NBAS: variants seen among roughly 807,000 people sequenced by gnomAD.
The protein encoded by NBAS is NBAS subunit of NRZ tethering complex, also known as NAG/BC035112 fusion.
NBAS carries 219 observed loss-of-function variants against 302.5 expected under a neutral mutation model. That is an observed-to-expected ratio of 0.72 (90% CI 0.65 to 0.81). The LOEUF (loss-of-function observed/expected upper bound fraction) is 0.81, where lower values mean the gene tolerates loss of function less well. Ranked by LOEUF, NBAS falls within the 30% of genes least tolerant of loss-of-function variation. The probability of loss-of-function intolerance (pLI) is 0.00; values close to 1 mark genes in which losing one functional copy is unlikely to be tolerated. For synonymous variants in NBAS, 1,118 were observed against 1,021.6 expected, an observed-to-expected ratio of 1.09 and a Z score of -1.80; for missense variants, 2,932 against 2,841.6, an observed-to-expected ratio of 1.03 and a Z score of -0.72.
chr2:15,082,985 T>TC, the NBAS span, among the ~76,000 whole-genome samples: 5 of 152,234 alleles, frequency 3.3e-5, no homozygotes, highest in South Asian at 2.1e-4. Context: ...AATGGGCAAT[T>TC]CCCCCCCACC....
At position 15,467,395 on chromosome 2, in the gene NBAS, T is replaced by C. The variant is rs753178086; in HGVS notation, c.2031A>G (p.Glu677=). Residue 677 remains glutamate (E), a synonymous_variant, in exon 19 of 52, where the codon GAA becomes GAG. Transcript: ENST00000281513. ...KLVNFSKLTL[E]QKELCRCRRK... is the part of the protein sequence containing the mutation. ...GTCTACAACGGCAAAGTTCCTTTTG[T>C]TCCAGTGTCAACCTGTTTTGAATAA... is the stretch of plus-strand genomic sequence containing the variant. The C allele has an allele frequency of 5.0e-6, 8 of 1,613,048 alleles. No homozygotes were observed. In the South Asian group the frequency reaches 5.5e-5, roughly 11 times the overall value.
the NBAS span, among the ~76,000 whole-genome samples, chr2:14,787,828 T>C: frequency 2.0e-5 from 3 of 152,164 alleles, no homozygotes; most frequent in African/African-American, 7.2e-5. Flanking sequence ...AGGAGTATCT[T>C]TGTGGCATTC....
At chr2:14,994,954 T>C in the NBAS span, among the ~76,000 whole-genome samples, 1 of 152,196 alleles carries the variant, frequency 6.6e-6, no homozygotes, top group African/African-American at 2.4e-5. Flanking sequence ...GGCTGGACTG[T>C]TGTGCATGAA....
chr2:15,184,640 T>C (rs1439208282), intron 50 of NBAS, among the ~76,000 whole-genome samples: 6 of 152,144 alleles, frequency 3.9e-5, no homozygotes. Context: ...TAAATACAGA[T>C]GAAGCTTCAC....
intron 6 of NBAS, among the ~76,000 whole-genome samples, chr2:15,549,742 A>G (rs6741780): frequency 0.027 from 4,148 of 152,158 alleles, 208 homozygotes; most frequent in African/African-American, 0.095. Context: ...AAATAAATAA[A>G]TAAATAAAAT....
the NBAS span, among the ~76,000 whole-genome samples, chr2:15,123,522 C>T: frequency 1.8e-4 from 28 of 152,196 alleles, no homozygotes; most frequent in East Asian, 3.5e-3. Context: ...GTGGGCCCTA[C>T]GGGGAGGTGT....
At chr2:14,868,901 C>A in the NBAS span, among the ~76,000 whole-genome samples, 1 of 152,118 alleles carries the variant, frequency 6.6e-6, no homozygotes, top group Non-Finnish European at 1.5e-5. Context: ...CCAGACTGAG[C>A]CCAACAGAAT....
chr2:14,930,727 G>T, the NBAS span, among the ~76,000 whole-genome samples: 2 of 152,270 alleles, frequency 1.3e-5, no homozygotes, highest in South Asian at 4.1e-4. Flanking sequence ...TTTGACATTG[G>T]ACACTACTTA....
intron 50 of NBAS, among the ~76,000 whole-genome samples, chr2:15,182,666 T>C (rs962671839): frequency 6.6e-6 from 1 of 152,212 alleles, no homozygotes. Context: ...AAACTGTTTA[T>C]GCCAATTTCT....
chr2:14,796,672 A>T, the NBAS span, among the ~76,000 whole-genome samples: 1 of 152,192 alleles, frequency 6.6e-6, no homozygotes, highest in East Asian at 1.9e-4. Flanking sequence ...AGCCAAAAAC[A>T]GCCTGAAGCC....
intron 24 of NBAS, among the ~76,000 whole-genome samples, chr2:15,416,699 G>A (rs957342063): frequency 3.3e-5 from 5 of 151,676 alleles, no homozygotes; most frequent in Non-Finnish European, 7.4e-5. Context: ...CCAGCTACTC[G>A]GGAGGCTGAG....
At chr2:15,454,492 T>G (rs1408610472) in intron 21 of NBAS, among the ~76,000 whole-genome samples, 1 of 152,214 alleles carries the variant, frequency 6.6e-6, no homozygotes, top group Non-Finnish European at 1.5e-5. Context: ...AAATGCAAAT[T>G]TATTCCAATG....
At chr2:14,902,981 G>A in the NBAS span, among the ~76,000 whole-genome samples, 1 of 151,884 alleles carries the variant, frequency 6.6e-6, no homozygotes, top group South Asian at 2.1e-4. Flanking sequence ...TAAAAGAAGA[G>A]AGACAGCAAA....
the NBAS span, among the ~76,000 whole-genome samples, chr2:15,158,953 C>G: frequency 6.6e-6 from 1 of 152,178 alleles, no homozygotes; most frequent in African/African-American, 2.4e-5. Flanking sequence ...ATTGCCCCTT[C>G]CAGAGTCCTC....
chr2:14,824,468 G>C, the NBAS span, among the ~76,000 whole-genome samples: 1 of 152,056 alleles, frequency 6.6e-6, no homozygotes, highest in Non-Finnish European at 1.5e-5. Flanking sequence ...AATATTTGTA[G>C]GGGACAGAAA....
At chr2:15,484,872 C>T (rs1167283301) in intron 12 of NBAS, among the ~76,000 whole-genome samples, 1 of 152,074 alleles carries the variant, frequency 6.6e-6, no homozygotes, top group East Asian at 1.9e-4. Context: ...ATAGGAACAA[C>T]CTACTCTACT....
intron 35 of NBAS, among the ~76,000 whole-genome samples, chr2:15,348,313 T>C (rs530912408): frequency 6.6e-6 from 1 of 152,182 alleles, no homozygotes; most frequent in South Asian, 2.1e-4. Context: ...AGACAATCAT[T>C]TTGGAAGAAC....
chr2:15,536,222 A>T (rs1383111085), intron 8 of NBAS, among the ~76,000 whole-genome samples, 196 bp downstream of exon 8: 1 of 152,212 alleles, frequency 6.6e-6, no homozygotes, highest in Non-Finnish European at 1.5e-5. Flanking sequence ...ATGATATAGC[A>T]AGCACAGTAA....
chr2:15,427,724 C>G lies in NBAS; in HGVS notation c.2410G>C (p.Glu804Gln), dbSNP rs1219185341. 2 of 1,612,534 alleles carry G rather than the reference C, an allele frequency of 1.2e-6. No homozygotes were observed. The highest frequency in any genetic ancestry group is 1.7e-6 in the Non-Finnish European group (2 of 1,179,304). Residue 804 changes from glutamate to glutamine, a missense_variant, in exon 22 of 52, where the codon GAG becomes CAG. By Grantham distance (29) the Glu-to-Gln change is conservative. Coordinates refer to ENST00000281513, the MANE Select transcript of NBAS (RefSeq NM_015909.4). The stretch of plus-strand genomic sequence containing the variant: ...GCTCATACTGACCTGCAAGCCAACT[C>G]CTCGCACCAATCTTTAGCTCGGTGT... ...HKHRAKDWCE[E>Q]LACRMVVEPN... is the part of the protein sequence containing the mutation.
Sources: allele counts gnomAD v4.1 joint callset (sites outside exome capture counted in the v4.1 genomes callset), GRCh38; gene constraint gnomAD v4.1.1; transcripts MANE v1.5; gene names NCBI Gene and HGNC (gene_info 2026-07-23, HGNC 2026-07-21).